The following ROBO1 variants were observed in gnomAD, a reference collection of about 807,000 sequenced individuals.
ROBO1 encodes roundabout guidance receptor 1.
ROBO1 carries 149 observed loss-of-function variants against 195.9 expected under a neutral mutation model. The observed-to-expected ratio is 0.76, with a 90% CI of 0.67 to 0.87. ROBO1 has a LOEUF of 0.87. Ranked by LOEUF, ROBO1 falls within the 40% of genes least tolerant of loss-of-function variation. The probability of loss-of-function intolerance (pLI) is 0.00; values close to 1 mark genes in which losing one functional copy is unlikely to be tolerated. For synonymous variants in ROBO1, 816 were observed against 733.2 expected, an observed-to-expected ratio of 1.11 and a Z score of -1.82; for missense variants, 1,933 against 2,068.3, an observed-to-expected ratio of 0.93 and a Z score of 1.27.
intron 4 of ROBO1, among the ~76,000 whole-genome samples, chr3:78,862,638 A>G (rs1479059279): frequency 6.6e-6 from 1 of 152,238 alleles, no homozygotes; most frequent in Non-Finnish European, 1.5e-5. Context: ...TTAGAGTACC[A>G]TAGGATTGAT....
At chr3:79,416,646 CAAAA>C (rs1312715843) in intron 2 of ROBO1, among the ~76,000 whole-genome samples, 1 of 146,466 alleles carries the variant, frequency 6.8e-6, no homozygotes, top group Non-Finnish European at 1.5e-5. Flanking sequence ...AAAAAGAAAA[CAAAA>C]GAAAGGGGTA....
At chr3:78,692,580 T>C (rs2081199716) in intron 8 of ROBO1, among the ~76,000 whole-genome samples, 1 of 152,150 alleles carries the variant, frequency 6.6e-6, no homozygotes, top group South Asian at 2.1e-4. Context: ...CTATTGTAAC[T>C]TTTTAACTTA....
intron 8 of ROBO1, among the ~76,000 whole-genome samples, chr3:78,694,060 A>G (rs1269484671): frequency 6.6e-6 from 1 of 152,232 alleles, no homozygotes; most frequent in Non-Finnish European, 1.5e-5. Context: ...GGTGCATAGA[A>G]AAAAGTGAAT....
intron 4 of ROBO1, among the ~76,000 whole-genome samples, chr3:78,816,040 A>C (rs1181646888): frequency 6.6e-6 from 1 of 152,144 alleles, no homozygotes; most frequent in Non-Finnish European, 1.5e-5. Flanking sequence ...CTATTTTAAA[A>C]AGTTGCCATC....
At chr3:79,658,928 G>A (rs1355243485) in intron 1 of ROBO1, among the ~76,000 whole-genome samples, 1 of 151,796 alleles carries the variant, frequency 6.6e-6, no homozygotes, top group Non-Finnish European at 1.5e-5. Flanking sequence ...GTAGAGATGG[G>A]GTTTCACCAT....
At chr3:79,543,180 C>A (rs1001209243) in intron 2 of ROBO1, among the ~76,000 whole-genome samples, 1 of 152,086 alleles carries the variant, frequency 6.6e-6, no homozygotes, top group Non-Finnish European at 1.5e-5. Flanking sequence ...AACTACAGAA[C>A]ACGCTTGGAA....
intron 2 of ROBO1, among the ~76,000 whole-genome samples, chr3:79,424,370 T>C (rs1243701296): frequency 6.6e-6 from 1 of 152,044 alleles, no homozygotes; most frequent in African/African-American, 2.4e-5. Context: ...TTGAATCTCT[T>C]GCACACATAA....
intron 3 of ROBO1, among the ~76,000 whole-genome samples, chr3:78,987,340 GTA>G (rs1307724497): frequency 1.3e-5 from 2 of 151,862 alleles, no homozygotes; most frequent in Non-Finnish European, 2.9e-5. Context: ...AGTAAACAAC[GTA>G]TCACAACACA....
intron 2 of ROBO1, among the ~76,000 whole-genome samples, chr3:79,229,311 G>A (rs2082281512): frequency 6.6e-6 from 1 of 152,058 alleles, no homozygotes; most frequent in South Asian, 2.1e-4. Flanking sequence ...ACTGACTACT[G>A]TGTAGGAGAA....
intron 26 of ROBO1, among the ~76,000 whole-genome samples, chr3:78,622,060 TTAAGC>T (rs745579607): frequency 1.4e-4 from 22 of 152,236 alleles, no homozygotes; most frequent in South Asian, 6.2e-4. Flanking sequence ...TGCAATAAAG[TTAAGC>T]ATACCAATCA....
chr3:78,638,816 G>A (rs187963166), intron 22 of ROBO1, among the ~76,000 whole-genome samples: 2 of 152,262 alleles, frequency 1.3e-5, no homozygotes, highest in Admixed American at 1.3e-4. Context: ...GGAGGTTGCA[G>A]TGAGCTGTGT....
intron 4 of ROBO1, among the ~76,000 whole-genome samples, chr3:78,929,439 T>TC (rs756203057): frequency 4.7e-4 from 72 of 152,198 alleles, no homozygotes; most frequent in Non-Finnish European, 7.6e-4. Context: ...CTCAGGAAAT[T>TC]CAGGCACTGT....
intron 2 of ROBO1, among the ~76,000 whole-genome samples, chr3:79,569,631 T>G (rs1382223899): frequency 6.7e-6 from 1 of 149,738 alleles, no homozygotes; most frequent in African/African-American, 2.5e-5. Flanking sequence ...ACCGGAATGA[T>G]TATATGTATA....
chr3:78,711,057 T>A (rs917876775), intron 8 of ROBO1, among the ~76,000 whole-genome samples: 4 of 152,182 alleles, frequency 2.6e-5, no homozygotes, highest in Non-Finnish European at 2.9e-5. Flanking sequence ...CATTTCATTG[T>A]ATATATTTAA....
intron 14 of ROBO1, among the ~76,000 whole-genome samples, chr3:78,664,198 A>G (rs1707602296): frequency 6.6e-6 from 1 of 152,174 alleles, no homozygotes; most frequent in Admixed American, 6.5e-5. Flanking sequence ...ACGTATGACA[A>G]TGTAAAAGGT....
chr3:79,311,307 G>T (rs1318147219), intron 2 of ROBO1, among the ~76,000 whole-genome samples: 1 of 152,058 alleles, frequency 6.6e-6, no homozygotes, highest in Non-Finnish European at 1.5e-5. Context: ...TATTCCATAA[G>T]GTATGAAGCA....
chr3:78,905,291 G>C (rs1049244770), intron 4 of ROBO1, among the ~76,000 whole-genome samples: 2 of 152,016 alleles, frequency 1.3e-5, no homozygotes, highest in Admixed American at 1.3e-4. Flanking sequence ...CTTGTGAGTG[G>C]GGGTCCAGGA....
intron 2 of ROBO1, among the ~76,000 whole-genome samples, chr3:79,332,905 A>G (rs773461399): frequency 6.6e-6 from 1 of 152,186 alleles, no homozygotes; most frequent in Non-Finnish European, 1.5e-5. Context: ...AAATAATAAA[A>G]TATCACTTTA....
intron 2 of ROBO1, among the ~76,000 whole-genome samples, chr3:79,326,874 G>C (rs572910398): frequency 1.3e-5 from 2 of 152,082 alleles, no homozygotes; most frequent in South Asian, 2.1e-4. Flanking sequence ...ATTATTTGTG[G>C]GCAGAATGAT....
Sources: allele counts gnomAD v4.1 joint callset (sites outside exome capture counted in the v4.1 genomes callset), GRCh38; gene constraint gnomAD v4.1.1; transcripts MANE v1.5; gene names NCBI Gene and HGNC (gene_info 2026-07-23, HGNC 2026-07-21).